The following LMBR1 variants were observed in gnomAD, a reference collection of about 807,000 sequenced individuals.
LMBR1 encodes limb development membrane protein 1.
A neutral mutation model predicts 73.9 loss-of-function variants in LMBR1; 52 were observed. The observed-to-expected ratio is 0.70, with a 90% CI of 0.56 to 0.89. The LOEUF is 0.89. Ranked by LOEUF, LMBR1 falls within the 40% of genes least tolerant of loss-of-function variation. The pLI is 0.00. For synonymous variants in LMBR1, 215 were observed against 209.4 expected, an observed-to-expected ratio of 1.03 and a Z score of -0.23; for missense variants, 539 against 579.8, an observed-to-expected ratio of 0.93 and a Z score of 0.72.
At chr7:156,765,193 T>TC (rs1158529285) in intron 5 of LMBR1, among the ~76,000 whole-genome samples, 2 of 152,208 alleles carry the variant, frequency 1.3e-5, no homozygotes, top group Non-Finnish European at 1.5e-5. Flanking sequence ...TTTGCCTGTG[T>TC]CCCCACCCAA....
At chr7:156,864,228 C>CA (rs1226891786) in intron 1 of LMBR1, among the ~76,000 whole-genome samples, 8 of 152,224 alleles carry the variant, frequency 5.3e-5, no homozygotes, top group Admixed American at 5.2e-4. Context: ...CTCTTCTAAC[C>CA]AAGTGCCTCC....
chr7:156,871,621 A>G (rs1799298738), intron 1 of LMBR1, among the ~76,000 whole-genome samples: 1 of 152,230 alleles, frequency 6.6e-6, no homozygotes, highest in Non-Finnish European at 1.5e-5. Context: ...TATGCCTAGG[A>G]TGCAAGAATG....
chr7:156,788,626 G>GAA (rs11424069), intron 5 of LMBR1, among the ~76,000 whole-genome samples: 60 of 147,506 alleles, frequency 4.1e-4, no homozygotes, highest in African/African-American at 7.7e-4. Flanking sequence ...TTGTTTTAAA[G>GAA]AAAAAAAAAA....
intron 9 of LMBR1, among the ~76,000 whole-genome samples, chr7:156,753,394 C>A (rs1821252348): frequency 2.6e-5 from 4 of 151,908 alleles, no homozygotes; most frequent in Admixed American, 2.6e-4. Context: ...CAGGAGGGCA[C>A]CTACTCAAAC....
At chr7:156,740,486 C>G (rs902198512) in intron 9 of LMBR1, among the ~76,000 whole-genome samples, 15 of 152,072 alleles carry the variant, frequency 9.9e-5, no homozygotes, top group African/African-American at 3.6e-4. Context: ...GAAAGGATCC[C>G]AAAAGCAGCA....
chr7:156,715,764 C>T (rs768619393), intron 15 of LMBR1, among the ~76,000 whole-genome samples: 16 of 152,162 alleles, frequency 1.1e-4, no homozygotes, highest in Non-Finnish European at 1.8e-4. Context: ...AATGTCCTTC[C>T]TTCTTTTACC....
chr7:156,795,699 C>T (rs188834679), intron 5 of LMBR1, among the ~76,000 whole-genome samples: 55 of 152,136 alleles, frequency 3.6e-4, no homozygotes, highest in African/African-American at 1.3e-3. Context: ...ACCACAGGTA[C>T]CCATCGCCAC....
intron 5 of LMBR1, among the ~76,000 whole-genome samples, chr7:156,791,831 T>G: frequency 6.6e-6 from 1 of 152,220 alleles, no homozygotes; most frequent in East Asian, 1.9e-4. Flanking sequence ...TTGCTTATGT[T>G]ACCTTTTATG....
At chr7:156,749,187 T>C (rs193165796) in intron 9 of LMBR1, among the ~76,000 whole-genome samples, 2 of 152,334 alleles carry the variant, frequency 1.3e-5, no homozygotes, top group East Asian at 1.9e-4. Flanking sequence ...ATTTGTAGGA[T>C]TGTCATTGCC....
chr7:156,778,603 T>A (rs1826573972), intron 5 of LMBR1, among the ~76,000 whole-genome samples: 1 of 152,158 alleles, frequency 6.6e-6, no homozygotes, highest in Non-Finnish European at 1.5e-5. Flanking sequence ...AGAAGAGAGA[T>A]GATGAGACTA....
chr7:156,878,221 A>G (rs1800508907), intron 1 of LMBR1, among the ~76,000 whole-genome samples: 1 of 152,196 alleles, frequency 6.6e-6, no homozygotes, highest in South Asian at 2.1e-4. Context: ...GACAAGAGAA[A>G]GAAATAAAGG....
intron 5 of LMBR1, among the ~76,000 whole-genome samples, chr7:156,786,442 G>A (rs1828124230): frequency 6.6e-6 from 1 of 152,172 alleles, no homozygotes; most frequent in Admixed American, 6.5e-5. Context: ...TAGAATAACT[G>A]AATAGTAATA....
At position 156,826,756 on chromosome 7, in the gene LMBR1, G is replaced by C. The variant is rs369687033; in HGVS notation, c.180-12C>G. 1.1e-4 allele frequency: 180 copies of C among 1,599,388 alleles called. No individual in the cohort carries two copies. The highest frequency in any genetic ancestry group is 5.8e-4 in the Admixed American group (34 of 58,568). On this transcript the variant is annotated splice_polypyrimidine_tract_variant and intron_variant, in intron 3 of 16. Coordinates refer to ENST00000353442, the MANE Select transcript of LMBR1 (RefSeq NM_022458.4). ...TGCTCAAAAACAACCTGGAAGAAAGGAGAGTCACCATCACAAGTGATCTGA... is the reference window on the plus strand; with the variant it reads ...TGCTCAAAAACAACCTGGAAGAAAGCAGAGTCACCATCACAAGTGATCTGA...
rs1805389886 is a variant in LMBR1, at chr7:156,683,419, A to T, written c.*659T>A. On this transcript the variant is annotated 3_prime_UTR_variant, in exon 17 of 17. Transcript: ENST00000353442. ...AGCTTATTAGACTGTACAACAGAAG[A>T]TATTCCTGTGGCTCTCTAAGGCTCC... is the stretch of plus-strand genomic sequence containing the variant. 2 of 152,694 alleles carry T rather than the reference A, an allele frequency of 1.3e-5. No individual in the cohort carries two copies. Among genetic ancestry groups the T allele is most frequent in the Non-Finnish European group, 2.9e-5 (2 of 68,066 alleles). 9.5% of individuals were successfully genotyped at this position (152,694 alleles called of 1,614,324 possible).
intron 5 of LMBR1, among the ~76,000 whole-genome samples, chr7:156,766,626 T>C (rs944468491): frequency 9.2e-5 from 14 of 152,228 alleles, no homozygotes; most frequent in Admixed American, 2.6e-4. Context: ...GAGGGGCCCA[T>C]GCAGATTGGC....
At chr7:156,821,048 T>C (rs76757813) in intron 4 of LMBR1, among the ~76,000 whole-genome samples, 4,856 of 152,206 alleles carry the variant, frequency 0.032, 124 homozygotes, top group South Asian at 0.085. Context: ...TTAGTAGGGA[T>C]TGAATGCTGA....
downstream of LMBR1, chr7:156,676,528 C>T (rs556301667): frequency 6.5e-5 from 105 of 1,614,126 alleles, 2 homozygotes; most frequent in South Asian, 1.1e-3. Context: ...GCCCTCCTGT[C>T]CTGCTCACAT....
intron 9 of LMBR1, among the ~76,000 whole-genome samples, chr7:156,755,174 G>C (rs1821624244): frequency 6.6e-6 from 1 of 152,118 alleles, no homozygotes; most frequent in Non-Finnish European, 1.5e-5. Flanking sequence ...ATTTTGGCTT[G>C]GCTTCATTTT....
chr7:156,788,925 G>A (rs899479393), intron 5 of LMBR1, among the ~76,000 whole-genome samples: 2 of 152,106 alleles, frequency 1.3e-5, no homozygotes, highest in African/African-American at 4.8e-5. Flanking sequence ...GTGGGCACCT[G>A]TAATCCCAGC....
Sources: allele counts gnomAD v4.1 joint callset (sites outside exome capture counted in the v4.1 genomes callset), GRCh38; gene constraint gnomAD v4.1.1; transcripts MANE v1.5; gene names NCBI Gene and HGNC (gene_info 2026-07-23, HGNC 2026-07-21).